RSU1: variants seen among roughly 807,000 people sequenced by gnomAD.
The protein encoded by RSU1 is rsu-1.
In RSU1, 26 loss-of-function variants were observed where a neutral mutation model predicts 31.1. The ratio of observed to expected loss-of-function variants is 0.84; its 90% CI spans 0.61 to 1.16. The LOEUF (loss-of-function observed/expected upper bound fraction) is 1.16, where lower values mean the gene tolerates loss of function less well. Ranked by LOEUF, RSU1 falls within the 50% of genes most tolerant of loss-of-function variation. RSU1 has a pLI of 0.00. For synonymous variants in RSU1, 164 were observed against 136.3 expected, an observed-to-expected ratio of 1.20 and a Z score of -1.41; for missense variants, 320 against 339.1, an observed-to-expected ratio of 0.94 and a Z score of 0.44.
intron 8 of RSU1, among the ~76,000 whole-genome samples, chr10:16,649,923 AAAACCAAAAGT>A (rs1174789077): frequency 6.6e-6 from 1 of 152,238 alleles, no homozygotes; most frequent in African/African-American, 2.4e-5. Flanking sequence ...ACTTTTGTTT[AAAACCAAAAGT>A]AAACACATCT....
intron 3 of RSU1, among the ~76,000 whole-genome samples, chr10:16,772,586 T>G (rs1037668463): frequency 8.7e-6 from 1 of 114,898 alleles, no homozygotes; most frequent in Non-Finnish European, 1.7e-5. Context: ...AAAGGAAGGG[T>G]AGGAAAAATG....
chr10:16,648,118 TAA>T (rs35212403), intron 8 of RSU1, among the ~76,000 whole-genome samples: 1 of 143,312 alleles, frequency 7.0e-6, no homozygotes, highest in Admixed American at 6.9e-5. Flanking sequence ...CTGGCTAATT[TAA>T]AAAAAAAAAA....
intron 7 of RSU1, among the ~76,000 whole-genome samples, chr10:16,712,766 G>T (rs73604871): frequency 1.7e-3 from 254 of 152,240 alleles, no homozygotes; most frequent in African/African-American, 5.8e-3. Flanking sequence ...AATCACTAGA[G>T]TATTTTATGA....
chr10:16,688,584 C>T (rs1407007485), intron 8 of RSU1, among the ~76,000 whole-genome samples: 4 of 151,934 alleles, frequency 2.6e-5, no homozygotes, highest in African/African-American at 9.7e-5. Context: ...AGTCCAGCTT[C>T]GGCGACAGAG....
intron 8 of RSU1, among the ~76,000 whole-genome samples, chr10:16,643,787 AAGTATATTC>A (rs144426389): frequency 0.043 from 6,498 of 152,158 alleles, 397 homozygotes; most frequent in East Asian, 0.19. Flanking sequence ...TAGAGAATGC[AAGTATATTC>A]AGCCCTTCAT....
chr10:16,709,348 C>G (rs373319053), intron 7 of RSU1, among the ~76,000 whole-genome samples: 1 of 152,076 alleles, frequency 6.6e-6, no homozygotes, highest in Non-Finnish European at 1.5e-5. Context: ...TGGCTGCATA[C>G]TATTCCATGG....
intron 7 of RSU1, among the ~76,000 whole-genome samples, chr10:16,718,157 G>A (rs79042152): frequency 0.012 from 1,879 of 150,844 alleles, 45 homozygotes; most frequent in African/African-American, 0.043. Context: ...TTGAATATCT[G>A]GGCCCTGGCT....
intron 7 of RSU1, among the ~76,000 whole-genome samples, chr10:16,710,189 A>G (rs1019734005): frequency 2.0e-5 from 3 of 152,230 alleles, no homozygotes; most frequent in African/African-American, 4.8e-5. Flanking sequence ...CATACCTTCC[A>G]TAACTAATTT....
rs148717886 is a variant in RSU1, at chr10:16,816,871, G to A, written c.109+102C>T. 4.1e-5 allele frequency: 33 copies of A among 801,152 alleles called. No individual in the cohort carries two copies. In the African/African-American group the frequency reaches 4.8e-4, roughly 12 times the overall value. 49.6% of individuals were successfully genotyped at this position (801,152 alleles called of 1,614,324 possible). On this transcript the variant is annotated intron_variant, in intron 2 of 8. Transcript: ENST00000345264. ...AGTGAGGTTTACAAGCAGGGGCTGGGGTCTAAACCAGTACAATCGCTCACA... is the reference window on the plus strand; with the variant it reads ...AGTGAGGTTTACAAGCAGGGGCTGGAGTCTAAACCAGTACAATCGCTCACA...
intron 3 of RSU1, among the ~76,000 whole-genome samples, chr10:16,766,691 G>C (rs886261913): frequency 2.0e-5 from 3 of 151,422 alleles, no homozygotes; most frequent in Non-Finnish European, 4.4e-5. Flanking sequence ...CTCCAGCCTA[G>C]GTGACAAGAG....
At chr10:16,801,202 A>G (rs1357945777) in intron 2 of RSU1, among the ~76,000 whole-genome samples, 1 of 152,136 alleles carries the variant, frequency 6.6e-6, no homozygotes, top group Non-Finnish European at 1.5e-5. Flanking sequence ...AGAAAGAGAT[A>G]TGACGCTAAA....
chr10:16,751,511 A>T (rs1240240153), intron 7 of RSU1, among the ~76,000 whole-genome samples: 1 of 152,208 alleles, frequency 6.6e-6, no homozygotes, highest in Non-Finnish European at 1.5e-5. Flanking sequence ...CGTAACCATT[A>T]GCCACATGAG....
At chr10:16,692,895 A>C (rs562784949) in intron 8 of RSU1, among the ~76,000 whole-genome samples, 1 of 152,176 alleles carries the variant, frequency 6.6e-6, no homozygotes, top group Admixed American at 6.5e-5. Flanking sequence ...CACGCTTTAC[A>C]TTGCTTTTAT....
chr10:16,695,173 AAAAGTG>A lies in RSU1; in HGVS notation c.599-24_599-19del. The A allele has an allele frequency of 6.3e-7, 1 of 1,585,730 alleles. No individual in the cohort carries two copies. Among genetic ancestry groups the A allele is most frequent in the Non-Finnish European group, 8.6e-7 (1 of 1,161,716 alleles). On this transcript the variant is annotated intron_variant, in intron 7 of 8. Coordinates refer to ENST00000345264, the MANE Select transcript of RSU1 (RefSeq NM_012425.4). ...CAAGTTTCCTGGGGGGGGGGAAAAAAAAAGTGAAGGTCACTTCATCCAATACAGATC... is the reference window on the plus strand; with the variant it reads ...CAAGTTTCCTGGGGGGGGGGAAAAAAAAGGTCACTTCATCCAATACAGATC...
In RSU1 at chr10:16,762,572, T is replaced by C. The variant is rs192715660; in HGVS notation, c.281+1818A>G. The stretch of plus-strand genomic sequence containing the variant: ...GTTCCTCCCTCCTTTTAACTTCACT[T>C]TCCCTCAGACATAAGAATAAAGGCT... On this transcript the variant is annotated intron_variant, in intron 4 of 8. Coordinates refer to ENST00000345264, the MANE Select transcript of RSU1 (RefSeq NM_012425.4). 9.4e-4 allele frequency among the ~76,000 whole-genome samples: 142 copies of C among 151,796 alleles called. No individual in the cohort carries two copies. The East Asian group carries it at 0.023, about 25-fold the overall frequency.
At chr10:16,636,344 T>C (rs1248543398) in intron 8 of RSU1, among the ~76,000 whole-genome samples, 2 of 152,056 alleles carry the variant, frequency 1.3e-5, no homozygotes, top group South Asian at 2.1e-4. Flanking sequence ...TCAGCTAAAA[T>C]ATAAAGTGAG....
At chr10:16,794,881 G>C (rs1465877356) in intron 2 of RSU1, among the ~76,000 whole-genome samples, 1 of 152,192 alleles carries the variant, frequency 6.6e-6, no homozygotes, top group African/African-American at 2.4e-5. Context: ...TTCCTAGCAG[G>C]TGAGACCTGC....
In RSU1 at chr10:16,745,321, G is replaced by A. The variant is rs80139887; in HGVS notation, c.598+7218C>T. Among the ~76,000 whole-genome samples the A allele has an allele frequency of 2.9e-3, 445 of 152,288 alleles. 3 individuals are homozygous for A. In the East Asian group the frequency reaches 0.05, roughly 17 times the overall value. ...CTCACAAAGACACCAGGAGGTGGGA[G>A]CTGTTATTACCCTCATTTTACATGA... On this transcript the variant is annotated intron_variant, in intron 7 of 8. Transcript: ENST00000345264.
At chr10:16,658,030 G>C (rs1425764871) in intron 8 of RSU1, among the ~76,000 whole-genome samples, 1 of 152,090 alleles carries the variant, frequency 6.6e-6, no homozygotes, top group Non-Finnish European at 1.5e-5. Context: ...TGTCTCATTG[G>C]TTCATGACAA....
Sources: gnomAD v4.1 joint callset for allele counts (sites outside exome capture counted in the v4.1 genomes callset) on GRCh38, gnomAD v4.1.1 for gene constraint, MANE v1.5 for transcripts, NCBI Gene and HGNC (gene_info 2026-07-23, HGNC 2026-07-21) for gene names.